Variants in SGCZ observed in about 807,000 individuals in gnomAD.
SGCZ encodes the protein zeta-sarcoglycan.
SGCZ carries 40 observed loss-of-function variants against 41.3 expected under a neutral mutation model. The observed-to-expected ratio is 0.97, with a 90% CI of 0.75 to 1.26. The LOEUF (loss-of-function observed/expected upper bound fraction) is 1.26. Among genes scored for constraint, SGCZ ranks in the 50% most tolerant of loss-of-function variants. The pLI is 0.00. For missense variants in SGCZ, 552 were observed against 369.8 expected, an observed-to-expected ratio of 1.49 and a Z score of -4.04; for synonymous variants, 206 against 137.5, an observed-to-expected ratio of 1.50 and a Z score of -3.49.
rs148827681 is a variant in SGCZ, at chr8:14,690,178, A to G, written c.40-135252T>C. On this transcript the variant is annotated intron_variant, in intron 1 of 7. Coordinates refer to ENST00000382080, the MANE Select transcript of SGCZ (RefSeq NM_139167.4). Reference sequence around the variant, plus strand: ...GTTATTTTGGGCCCGTGTTGTGTGTATAGGATACTACAGGAAGCATTTTTA... The same window carrying G: ...GTTATTTTGGGCCCGTGTTGTGTGTGTAGGATACTACAGGAAGCATTTTTA... Among the ~76,000 whole-genome samples, 34 of 149,442 alleles carry G rather than the reference A, an allele frequency of 2.3e-4. No homozygotes were observed. The East Asian group carries it at 6.1e-3, about 27-fold the overall frequency.
chr8:15,036,018 G>T (rs918005465), intron 1 of SGCZ, among the ~76,000 whole-genome samples: 1 of 151,146 alleles, frequency 6.6e-6, no homozygotes, highest in Non-Finnish European at 1.5e-5. Context: ...AAATACAATA[G>T]AAACTAGAAA....
rs182588950 is a variant in SGCZ at position 14,758,083 on chromosome 8, G to A, written c.40-203157C>T. On this transcript the variant is annotated intron_variant, in intron 1 of 7. Coordinates refer to ENST00000382080, the MANE Select transcript of SGCZ (RefSeq NM_139167.4). ...TAACTTTTTAAAATTTTTCCTACATGATTATTTATTGTAGCTATATTTTTA... is the reference window on the plus strand; with the variant it reads ...TAACTTTTTAAAATTTTTCCTACATAATTATTTATTGTAGCTATATTTTTA... Among the ~76,000 whole-genome samples the A allele has an allele frequency of 6.6e-5, 10 of 152,096 alleles. No individual in the cohort carries two copies. The East Asian group carries it at 1.9e-3, about 29-fold the overall frequency.
At chr8:14,412,520 G>A (rs1207033132) in intron 2 of SGCZ, among the ~76,000 whole-genome samples, 1 of 152,046 alleles carries the variant, frequency 6.6e-6, no homozygotes, top group African/African-American at 2.4e-5. Flanking sequence ...CTTGCCTTTT[G>A]CAGCTGTTCT....
chr8:14,692,534 A>T (rs542941197), intron 1 of SGCZ, among the ~76,000 whole-genome samples: 28 of 152,278 alleles, frequency 1.8e-4, no homozygotes, highest in African/African-American at 6.7e-4. Context: ...TTCTTGTTGT[A>T]CACATTCAGT....
intron 1 of SGCZ, among the ~76,000 whole-genome samples, chr8:14,743,471 G>T (rs1387082191): frequency 6.6e-6 from 1 of 151,900 alleles, no homozygotes; most frequent in Non-Finnish European, 1.5e-5. Flanking sequence ...AAATGAATCA[G>T]ATTTATTTCC....
chr8:14,780,138 C>T (rs759646380), intron 1 of SGCZ, among the ~76,000 whole-genome samples: 4 of 152,114 alleles, frequency 2.6e-5, no homozygotes, highest in East Asian at 1.9e-4. Flanking sequence ...CTTTGGGAGG[C>T]AGAGGCCGGG....
chr8:14,209,197 T>C lies in SGCZ; in HGVS notation c.424+28395A>G, dbSNP rs138203054. 1.9e-3 allele frequency among the ~76,000 whole-genome samples: 290 copies of C among 152,324 alleles called. 1 individual carries two copies. The highest frequency in any genetic ancestry group is 6.5e-3 in the African/African-American group (270 of 41,572). ...CAGAACGTTATGTAAACGTCACATG[T>C]TGTCCAACCAATCTGTGGACTCCAT... On this transcript the variant is annotated intron_variant, in intron 4 of 7. Coordinates refer to ENST00000382080, the MANE Select transcript of SGCZ (RefSeq NM_139167.4).
chr8:15,025,695 A>C (rs540458143), intron 1 of SGCZ, among the ~76,000 whole-genome samples: 1 of 152,310 alleles, frequency 6.6e-6, no homozygotes, highest in South Asian at 2.1e-4. Flanking sequence ...AAAATATATT[A>C]TCATGGGTAT....
At chr8:15,030,644 G>A (rs1439030983) in intron 1 of SGCZ, among the ~76,000 whole-genome samples, 1 of 152,126 alleles carries the variant, frequency 6.6e-6, no homozygotes, top group Non-Finnish European at 1.5e-5. Context: ...TGCGCACAAG[G>A]GATGATTCCA....
chr8:14,531,836 T>C (rs556114390), intron 2 of SGCZ, among the ~76,000 whole-genome samples: 1 of 152,194 alleles, frequency 6.6e-6, no homozygotes, highest in Admixed American at 6.5e-5. Flanking sequence ...GTAATTAATG[T>C]TATCATATGT....
intron 1 of SGCZ, among the ~76,000 whole-genome samples, chr8:14,622,440 C>G (rs1222506246): frequency 6.6e-6 from 1 of 152,140 alleles, no homozygotes; most frequent in African/African-American, 2.4e-5. Flanking sequence ...TTCTTCAATT[C>G]TCTAGCTGAG....
chr8:15,115,575 C>T (rs1303680527), intron 1 of SGCZ, among the ~76,000 whole-genome samples: 1 of 152,110 alleles, frequency 6.6e-6, no homozygotes. Flanking sequence ...AAAGGCTTTC[C>T]TCAAGACAAA....
intron 4 of SGCZ, among the ~76,000 whole-genome samples, chr8:14,224,950 T>G (rs1806322871): frequency 6.6e-6 from 1 of 152,192 alleles, no homozygotes; most frequent in Non-Finnish European, 1.5e-5. Context: ...GCATATTTGG[T>G]GTTCATCATT....
At chr8:14,922,896 T>A (rs1799633452) in intron 1 of SGCZ, among the ~76,000 whole-genome samples, 1 of 152,174 alleles carries the variant, frequency 6.6e-6, no homozygotes. Context: ...TTCCACTGAT[T>A]TATGTATTTT....
chr8:15,032,289 A>G (rs1208101982), intron 1 of SGCZ, among the ~76,000 whole-genome samples: 2 of 152,190 alleles, frequency 1.3e-5, no homozygotes, highest in African/African-American at 4.8e-5. Context: ...TAGCAAAGAA[A>G]TAAAAAAGAA....
chr8:14,929,484 T>C lies in SGCZ; in HGVS notation c.39+308101A>G, dbSNP rs1799864999. On this transcript the variant is annotated intron_variant, in intron 1 of 7. Transcript: ENST00000382080. Reference sequence around the variant, plus strand: ...GAATGCCTGGGAAATAAATGTCCTATAGACATTAGGTGAACCTGAGGCTGA... The same window carrying C: ...GAATGCCTGGGAAATAAATGTCCTACAGACATTAGGTGAACCTGAGGCTGA... Among the ~76,000 whole-genome samples the C allele has an allele frequency of 2.7e-5, 4 of 150,940 alleles. No individual in the cohort carries two copies. In the South Asian group the frequency reaches 6.2e-4, roughly 23 times the overall value.
At chr8:14,617,397 T>A (rs1478523601) in intron 1 of SGCZ, among the ~76,000 whole-genome samples, 1 of 152,172 alleles carries the variant, frequency 6.6e-6, no homozygotes, top group Non-Finnish European at 1.5e-5. Context: ...ATTTTACTGT[T>A]CAAAATTATC....
intron 2 of SGCZ, among the ~76,000 whole-genome samples, chr8:14,366,740 A>G (rs1361608320): frequency 1.3e-5 from 2 of 152,154 alleles, no homozygotes; most frequent in African/African-American, 4.8e-5. Context: ...TTAACTGAAG[A>G]GTTCACAGAG....
intron 1 of SGCZ, among the ~76,000 whole-genome samples, chr8:14,985,971 T>A (rs780758828): frequency 6.6e-6 from 1 of 152,174 alleles, no homozygotes; most frequent in Non-Finnish European, 1.5e-5. Flanking sequence ...TAACTAGAGA[T>A]GGGGTTATTG....
Sources: gnomAD v4.1 joint callset for allele counts (sites outside exome capture counted in the v4.1 genomes callset) on GRCh38, gnomAD v4.1.1 for gene constraint, MANE v1.5 for transcripts, NCBI Gene and HGNC (gene_info 2026-07-23, HGNC 2026-07-21) for gene names.